The following RGS20 variants were observed in gnomAD, a reference collection of about 807,000 sequenced individuals.
RGS20 encodes the protein regulator of G protein signaling 20.
In RGS20, 30 loss-of-function variants were observed where a neutral mutation model predicts 33.6. The observed-to-expected ratio is 0.89, with a 90% CI of 0.67 to 1.21. RGS20 has a LOEUF of 1.21. Among genes scored for constraint, RGS20 ranks in the 50% most tolerant of loss-of-function variants. RGS20 has a pLI of 0.00. For missense variants in RGS20, 472 were observed against 502.4 expected (o/e 0.94, Z 0.58); for synonymous variants, 208 against 197.9 (o/e 1.05, Z -0.43).
At chr8:53,895,073 A>C (rs1014122318) in intron 2 of RGS20, among the ~76,000 whole-genome samples, 4 of 151,980 alleles carry the variant, frequency 2.6e-5, no homozygotes, top group Admixed American at 2.6e-4. Flanking sequence ...CATCGAGACA[A>C]GAGATGGGGC....
intron 1 of RGS20, chr8:53,852,167 A>G: frequency 9.2e-7 from 1 of 1,091,312 alleles, no homozygotes; most frequent in Non-Finnish European, 1.3e-6. Context: ...TTGCTCACTT[A>G]TCTTAATGTT....
intron 1 of RGS20, among the ~76,000 whole-genome samples, chr8:53,874,367 GGTGTGTGTGTGTGTGT>G (rs138636662): frequency 2.0e-5 from 3 of 146,484 alleles, no homozygotes; most frequent in Non-Finnish European, 3.0e-5. Context: ...AGCAATAAGG[GGTGTGTGTGTGTGTGT>G]GTGTGTGTGT....
intron 5 of RGS20, among the ~76,000 whole-genome samples, chr8:53,955,827 A>G (rs1814849456): frequency 6.6e-6 from 1 of 152,126 alleles, no homozygotes; most frequent in Non-Finnish European, 1.5e-5. Flanking sequence ...GCAAAACTCC[A>G]TTTCAAAAAA....
chr8:53,916,975 A>G (rs1056116007), intron 2 of RGS20, among the ~76,000 whole-genome samples: 3 of 152,030 alleles, frequency 2.0e-5, no homozygotes, highest in Admixed American at 6.6e-5. Context: ...CATTCTCATG[A>G]CCTAATCACT....
intron 2 of RGS20, among the ~76,000 whole-genome samples, chr8:53,929,947 T>C (rs942181416): frequency 6.6e-6 from 1 of 152,200 alleles, no homozygotes; most frequent in East Asian, 1.9e-4. Flanking sequence ...CCTGCTTAAC[T>C]TGAAATGTTA....
At chr8:53,888,510 G>A (rs965979170) in intron 2 of RGS20, among the ~76,000 whole-genome samples, 3 of 152,148 alleles carry the variant, frequency 2.0e-5, no homozygotes, top group East Asian at 3.9e-4. Flanking sequence ...TTATTGAGGG[G>A]GGCTGTCCAT....
chr8:53,910,391 G>A (rs1192873770), intron 2 of RGS20, among the ~76,000 whole-genome samples: 1 of 150,086 alleles, frequency 6.7e-6, no homozygotes, highest in African/African-American at 2.5e-5. Context: ...CCCACCATGA[G>A]CTGCCACTTA....
intron 2 of RGS20, among the ~76,000 whole-genome samples, chr8:53,906,506 G>A (rs1813182416): frequency 6.6e-6 from 1 of 152,204 alleles, no homozygotes; most frequent in Admixed American, 6.5e-5. Context: ...ATTAGAGAAA[G>A]ATTTCCCAGG....
intron 2 of RGS20, among the ~76,000 whole-genome samples, chr8:53,880,537 C>G (rs1234489518): frequency 2.0e-5 from 3 of 152,188 alleles, no homozygotes; most frequent in African/African-American, 7.2e-5. Context: ...CTGCCGCCCA[C>G]CCCCGCTCCT....
At chr8:53,880,501 C>T (rs985825812) in intron 2 of RGS20, among the ~76,000 whole-genome samples, 6 of 152,090 alleles carry the variant, frequency 3.9e-5, no homozygotes, top group African/African-American at 9.7e-5. Flanking sequence ...ACGCGAAGCT[C>T]TGGGGACCAA....
chr8:53,867,058 T>G (rs1811937547), intron 1 of RGS20, among the ~76,000 whole-genome samples: 1 of 151,916 alleles, frequency 6.6e-6, no homozygotes, highest in Non-Finnish European at 1.5e-5. Context: ...CCCAGGCGAG[T>G]ACAGAGATGG....
chr8:53,936,572 A>G (rs1319129894), intron 2 of RGS20, among the ~76,000 whole-genome samples: 2 of 152,206 alleles, frequency 1.3e-5, no homozygotes, highest in African/African-American at 2.4e-5. Context: ...AAGGAGAACT[A>G]CAAACCACTG....
chr8:53,902,850 C>T (rs1187126194), intron 2 of RGS20, among the ~76,000 whole-genome samples: 1 of 152,134 alleles, frequency 6.6e-6, no homozygotes, highest in African/African-American at 2.4e-5. Context: ...CTCAGCTTCC[C>T]GAGTAGCTGG....
At chr8:53,882,250 T>C (rs1202499604) in intron 2 of RGS20, among the ~76,000 whole-genome samples, 1 of 152,136 alleles carries the variant, frequency 6.6e-6, no homozygotes, top group Non-Finnish European at 1.5e-5. Flanking sequence ...CGCCGCGACC[T>C]ACCCCATCTC....
chr8:53,923,410 C>T (rs1813705142), intron 2 of RGS20, among the ~76,000 whole-genome samples: 1 of 152,100 alleles, frequency 6.6e-6, no homozygotes, highest in Non-Finnish European at 1.5e-5. Context: ...GCCTGGGCAA[C>T]ATACTGAGAC....
chr8:53,886,695 A>G (rs1453059468), intron 2 of RGS20, among the ~76,000 whole-genome samples: 2 of 152,146 alleles, frequency 1.3e-5, no homozygotes, highest in Non-Finnish European at 2.9e-5. Context: ...ACGCCCTGCT[A>G]TCTGGTTTGT....
intron 2 of RGS20, among the ~76,000 whole-genome samples, chr8:53,882,209 A>G (rs1812405617): frequency 6.6e-6 from 1 of 151,900 alleles, no homozygotes. Context: ...AGTGGAAGAG[A>G]GAGAGTGGGC....
intron 2 of RGS20, among the ~76,000 whole-genome samples, chr8:53,902,922 C>T (rs952887119): frequency 6.6e-6 from 1 of 152,136 alleles, no homozygotes; most frequent in African/African-American, 2.4e-5. Context: ...GACAGGATTT[C>T]GCCATGATGG....
chr8:53,936,150 T>C (rs140890717), intron 2 of RGS20, among the ~76,000 whole-genome samples: 333 of 152,336 alleles, frequency 2.2e-3, no homozygotes, highest in Non-Finnish European at 3.6e-3. Flanking sequence ...TCATGTTGAA[T>C]GGACAAAAGC....
Sources: allele counts gnomAD v4.1 joint callset (sites outside exome capture counted in the v4.1 genomes callset), GRCh38; gene constraint gnomAD v4.1.1; transcripts MANE v1.5; gene names NCBI Gene and HGNC (gene_info 2026-07-23, HGNC 2026-07-21).